The following ABCA5 variants were observed in gnomAD, a reference collection of about 807,000 sequenced individuals.
ABCA5 encodes cholesterol transporter ABCA5.
ABCA5 carries 163 observed loss-of-function variants against 206.0 expected under a neutral mutation model. The observed-to-expected ratio is 0.79, with a 90% confidence interval of 0.70 to 0.90. ABCA5 has a LOEUF of 0.90. ABCA5 is among the 40% of genes least tolerant of loss of function. The pLI is 0.00. For synonymous variants in ABCA5, 609 were observed against 613.8 expected, an observed-to-expected ratio of 0.99 and a Z score of 0.11; for missense variants, 1,859 against 1,912.9, an observed-to-expected ratio of 0.97 and a Z score of 0.53.
At chr17:69,321,851 G>GT (rs1233788927) in intron 1 of ABCA5, among the ~76,000 whole-genome samples, 17 of 152,030 alleles carry the variant, frequency 1.1e-4, no homozygotes, top group Non-Finnish European at 1.9e-4. Context: ...TAATAATTAG[G>GT]TGAGTTTTAA....
intron 9 of ABCA5, among the ~76,000 whole-genome samples, chr17:69,299,471 T>TACATACACACACACACAC (rs368527394): frequency 2.1e-5 from 3 of 142,400 alleles, no homozygotes; most frequent in Non-Finnish European, 4.6e-5. Context: ...CACACACACA[T>TACATACACACACACACAC]ACACACACAC....
chr17:69,307,831 C>T (rs543284315), intron 5 of ABCA5, among the ~76,000 whole-genome samples: 3 of 152,092 alleles, frequency 2.0e-5, no homozygotes, highest in South Asian at 2.1e-4. Context: ...ATACTTTAAA[C>T]GTATTGTTTA....
intron 18 of ABCA5, among the ~76,000 whole-genome samples, 197 bp downstream of exon 18, chr17:69,283,756 T>C (rs150663106): frequency 1.3e-5 from 2 of 151,646 alleles, no homozygotes; most frequent in Non-Finnish European, 2.9e-5. Flanking sequence ...CCTGATGATA[T>C]AATCTAAGTT....
At chr17:69,296,853 T>C (rs1244750703) in intron 10 of ABCA5, among the ~76,000 whole-genome samples, 1 of 152,136 alleles carries the variant, frequency 6.6e-6, no homozygotes, top group Non-Finnish European at 1.5e-5. Flanking sequence ...TAGACTCAAC[T>C]ACTTGAGAGG....
intron 17 of ABCA5, among the ~76,000 whole-genome samples, 185 bp from the exon 18 acceptor site, chr17:69,284,257 G>A (rs2075427652): frequency 6.6e-6 from 1 of 152,074 alleles, no homozygotes; most frequent in Non-Finnish European, 1.5e-5. Context: ...AGCTACTCAG[G>A]AGACTCAGGT....
At chr17:69,324,839 TA>T (rs1328092112) in intron 1 of ABCA5, among the ~76,000 whole-genome samples, 25 of 152,294 alleles carry the variant, frequency 1.6e-4, no homozygotes, top group Middle Eastern at 3.4e-3. Context: ...TAAACTAAGA[TA>T]TTTTTGGAAT....
intron 5 of ABCA5, 64 bp from the exon 6 acceptor site, chr17:69,307,018 G>A (rs1299024458): frequency 7.6e-6 from 9 of 1,187,304 alleles, no homozygotes; most frequent in South Asian, 4.1e-5. Flanking sequence ...CTAGTAAAAC[G>A]GGACAGCTAT....
At chr17:69,273,791 T>A (rs2075300453) in intron 20 of ABCA5, among the ~76,000 whole-genome samples, 168 bp downstream of exon 20, 1 of 152,140 alleles carries the variant, frequency 6.6e-6, no homozygotes, top group Non-Finnish European at 1.5e-5. Context: ...AAATTTACTG[T>A]AATATATTCT....
At chr17:69,290,122 GT>G in intron 12 of ABCA5, 85 bp from the exon 13 acceptor site, 1 of 945,208 alleles carries the variant, frequency 1.1e-6, no homozygotes, top group Non-Finnish European at 1.5e-6. Context: ...TAGTTATTTG[GT>G]TATAACAGAC....
chr17:69,269,765 A>C (rs2075251846), intron 22 of ABCA5, among the ~76,000 whole-genome samples: 1 of 152,226 alleles, frequency 6.6e-6, no homozygotes. Context: ...TACGTGTTAC[A>C]AAACAGATGA....
rs2075724401 is a variant in ABCA5 at position 69,306,972 on chromosome 17, A to T, written c.559-18T>A. The T allele has an allele frequency of 6.7e-7, 1 of 1,483,700 alleles. No individual in the cohort carries two copies. Among genetic ancestry groups the T allele is most frequent in the African/African-American group, 1.4e-5 (1 of 69,616 alleles). The allele number at this position is 1,483,700 out of a possible 1,614,324, so 91.9% of individuals were successfully genotyped here. A position where few individuals can be genotyped will look rare whatever the true frequency, so the allele number is the denominator to read the frequency against. ...GTCTTCAACTATAATTAGAAAATGT[A>T]AATACATCAAATTAATTTAGTTATG... On this transcript the variant is annotated intron_variant, in intron 5 of 38. Transcript: ENST00000392676.
chr17:69,304,629 T>C (rs1306125785), intron 7 of ABCA5, 40 bp downstream of exon 7: 1 of 1,470,696 alleles, frequency 6.8e-7, no homozygotes, highest in African/African-American at 1.4e-5. Flanking sequence ...ATCAAACATT[T>C]TGACAGTTCT....
At chr17:69,277,392 A>C (rs568798340) in intron 19 of ABCA5, among the ~76,000 whole-genome samples, 46 of 152,300 alleles carry the variant, frequency 3.0e-4, no homozygotes, top group Admixed American at 2.6e-4. Flanking sequence ...AAAATTATAC[A>C]ATTAGGGAAT....
chr17:69,279,878 C>G (rs1241988186), intron 18 of ABCA5, among the ~76,000 whole-genome samples: 2 of 152,140 alleles, frequency 1.3e-5, no homozygotes, highest in Non-Finnish European at 2.9e-5. Context: ...GTACAAAAAT[C>G]AATTCAAGAT....
chr17:69,270,888 A>G, intron 21 of ABCA5, 138 bp from the exon 22 acceptor site: 1 of 822,118 alleles, frequency 1.2e-6, no homozygotes, highest in Non-Finnish European at 1.8e-6. Flanking sequence ...ATAATACTCA[A>G]TGACAGATAA....
chr17:69,254,477 T>A lies in ABCA5; in HGVS notation c.4082A>T (p.Asp1361Val), dbSNP rs200202329. Reference sequence around the variant, plus strand: ...ATCTTCACTTGTCTCTGAAGAATAATCTCCTAAAAATACCTATAGAAACAC... The same window carrying A: ...ATCTTCACTTGTCTCTGAAGAATAAACTCCTAAAAATACCTATAGAAACAC... Reference protein sequence around the residue: ...EPTSGQVFLGDYSSETSEDDD... With the variant: ...EPTSGQVFLGVYSSETSEDDD... Residue 1361 changes from aspartate (D) to valine (V), a missense_variant, in exon 32 of 39, where the codon GAT (aspartate) becomes GTT (valine). By Grantham distance (152) the Asp-to-Val change is radical. Transcript: ENST00000392676. 30 of 1,611,102 alleles carry A rather than the reference T, an allele frequency of 1.9e-5. No homozygotes were observed. Among genetic ancestry groups the A allele is most frequent in the Non-Finnish European group, 2.5e-5 (30 of 1,179,144 alleles).
intron 35 of ABCA5, 125 bp downstream of exon 35, chr17:69,251,621 AG>A (rs1217387694): frequency 3.8e-6 from 5 of 1,313,852 alleles, no homozygotes; most frequent in Non-Finnish European, 4.0e-6. Flanking sequence ...ATCTATCAAA[AG>A]CTAACTCAAA....
intron 9 of ABCA5, among the ~76,000 whole-genome samples, chr17:69,299,365 C>T (rs1282285547): frequency 6.6e-6 from 1 of 151,526 alleles, no homozygotes; most frequent in Non-Finnish European, 1.5e-5. Context: ...CTTCCCCACA[C>T]ATGTTGATAA....
At chr17:69,288,906 A>G (rs961661548) in intron 14 of ABCA5, among the ~76,000 whole-genome samples, 1 of 152,054 alleles carries the variant, frequency 6.6e-6, no homozygotes, top group African/African-American at 2.4e-5. Flanking sequence ...TACTCAGGAG[A>G]TGGGTGCACT....
Sources: allele counts gnomAD v4.1 joint callset (sites outside exome capture counted in the v4.1 genomes callset), GRCh38; gene constraint gnomAD v4.1.1; transcripts MANE v1.5; gene names NCBI Gene and HGNC (gene_info 2026-07-23, HGNC 2026-07-21).